The following GPR89B variants were observed in gnomAD, a reference collection of about 807,000 sequenced individuals.
GPR89B encodes G protein-coupled receptor 89B.
In GPR89B, 25 loss-of-function variants were observed where a neutral mutation model predicts 52.4. That is an observed-to-expected ratio of 0.48 (90% CI 0.35 to 0.67). The LOEUF (loss-of-function observed/expected upper bound fraction) is 0.67, where lower values mean the gene tolerates loss of function less well. GPR89B is among the 30% of genes least tolerant of loss of function. GPR89B has a pLI of 0.01. For missense variants in GPR89B, 146 were observed against 450.2 expected, an observed-to-expected ratio of 0.32 and a Z score of 6.11; for synonymous variants, 52 against 151.2, an observed-to-expected ratio of 0.34 and a Z score of 4.81.
At chr1:148,012,606 A>T in the GPR89B span, among the ~76,000 whole-genome samples, 2 of 151,656 alleles carry the variant, frequency 1.3e-5, no homozygotes, top group Admixed American at 6.6e-5. Flanking sequence ...ACTGACATAT[A>T]GTTACACTCT....
chr1:147,951,644 C>T (rs1553251086), intron 5 of GPR89B, among the ~76,000 whole-genome samples: 2 of 151,834 alleles, frequency 1.3e-5, no homozygotes, highest in Non-Finnish European at 2.9e-5. Flanking sequence ...GAACAAGACT[C>T]TGAAAGAGGT....
chr1:148,009,421 G>T, the GPR89B span: 1 of 1,610,760 alleles, frequency 6.2e-7, no homozygotes, highest in African/African-American at 1.3e-5. Flanking sequence ...GTCCAAGTTT[G>T]CACACCTCCA....
chr1:148,007,081 T>C, the GPR89B span, among the ~76,000 whole-genome samples: 3 of 150,586 alleles, frequency 2.0e-5, no homozygotes, highest in African/African-American at 7.3e-5. Context: ...TTTTGGCTTT[T>C]TTTTTTTTTT....
chr1:147,982,932 A>AACTCCCGGAG (rs1658382341), intron 10 of GPR89B, among the ~76,000 whole-genome samples: 9 of 152,054 alleles, frequency 5.9e-5, no homozygotes, highest in Non-Finnish European at 1.3e-4. Context: ...TTCACTCATG[A>AACTCCCGGAG]TTTGTCTCTC....
the GPR89B span, among the ~76,000 whole-genome samples, chr1:148,015,327 CTCTCTCTCGACGGAG>C: frequency 7.1e-6 from 1 of 141,248 alleles, no homozygotes; most frequent in African/African-American, 2.8e-5. Flanking sequence ...CTCTCTCTCT[CTCTCTCTCGACGGAG>C]TCTCTCTCTG....
In GPR89B at chr1:147,944,110, T is replaced by A. The variant is rs1553249410; in HGVS notation, c.415+12T>A. The A allele has an allele frequency of 3.8e-6, 6 of 1,589,230 alleles. No individual in the cohort carries two copies. Among genetic ancestry groups the A allele is most frequent in the Non-Finnish European group, 5.1e-6 (6 of 1,174,166 alleles). ...CAGCCCAAAACATGGTGAGTATATATAGGAGGGCAGAGGAAGTGGGGGGAG... is the reference window on the plus strand; with the variant it reads ...CAGCCCAAAACATGGTGAGTATATAAAGGAGGGCAGAGGAAGTGGGGGGAG... On this transcript the variant is annotated intron_variant, in intron 5 of 13. Coordinates refer to ENST00000314163, the MANE Select transcript of GPR89B (RefSeq NM_016334.5).
the GPR89B span, among the ~76,000 whole-genome samples, chr1:148,009,914 A>G: frequency 1.3e-5 from 2 of 152,122 alleles, no homozygotes; most frequent in African/African-American, 4.8e-5. Context: ...GGGAGGAAAG[A>G]AAGGGGAAGG....
At chr1:148,021,528 A>G in the GPR89B span, among the ~76,000 whole-genome samples, 1 of 151,434 alleles carries the variant, frequency 6.6e-6, no homozygotes, top group Admixed American at 6.6e-5. Flanking sequence ...GGTGGGGCGG[A>G]CACAAGCAGT....
chr1:147,969,078 A>G (rs1344132175), intron 9 of GPR89B, 115 bp downstream of exon 9: 5 of 747,284 alleles, frequency 6.7e-6, no homozygotes, highest in Non-Finnish European at 1.1e-5. Context: ...CACAGCTTCT[A>G]TATCAGCCAT....
the GPR89B span, among the ~76,000 whole-genome samples, chr1:148,006,777 C>T: frequency 1.3e-5 from 2 of 151,648 alleles, no homozygotes; most frequent in Non-Finnish European, 2.9e-5. Flanking sequence ...AACGCAGGGC[C>T]GCAATCTTGG....
At chr1:147,931,876 G>C (rs77242313) in intron 1 of GPR89B, among the ~76,000 whole-genome samples, 6,770 of 152,052 alleles carry the variant, frequency 0.045, 206 homozygotes, top group African/African-American at 0.075. Flanking sequence ...TTAGGATGAT[G>C]GCCTCTAGCT....
chr1:147,997,129 T>C (rs1361669015), downstream of GPR89B, among the ~76,000 whole-genome samples: 1 of 152,224 alleles, frequency 6.6e-6, no homozygotes, highest in African/African-American at 2.4e-5. Context: ...GACTAGCCGG[T>C]ACCTCATGCA....
At chr1:147,935,172 G>T (rs1553247656) in intron 1 of GPR89B, among the ~76,000 whole-genome samples, 2 of 152,292 alleles carry the variant, frequency 1.3e-5, no homozygotes, top group Non-Finnish European at 1.5e-5. Flanking sequence ...CTTCCAGGGG[G>T]AGTAAATGGC....
At chr1:147,961,660 A>G (rs1656577691) in intron 7 of GPR89B, among the ~76,000 whole-genome samples, 1 of 152,160 alleles carries the variant, frequency 6.6e-6, no homozygotes, top group African/African-American at 2.4e-5. Flanking sequence ...ATTTTTTTAA[A>G]TCAATTGTCT....
intron 10 of GPR89B, among the ~76,000 whole-genome samples, chr1:147,970,405 G>A (rs1657327556): frequency 6.6e-6 from 1 of 152,066 alleles, no homozygotes; most frequent in African/African-American, 2.4e-5. Flanking sequence ...GCTGAGGCAG[G>A]AGAATCGCTT....
chr1:147,973,131 G>T (rs1657595992), intron 10 of GPR89B, among the ~76,000 whole-genome samples: 1 of 151,906 alleles, frequency 6.6e-6, no homozygotes, highest in Admixed American at 6.6e-5. Flanking sequence ...ACATGTGTAT[G>T]TATCTTTATA....
intron 10 of GPR89B, among the ~76,000 whole-genome samples, chr1:147,971,037 T>G (rs1201316963): frequency 6.6e-5 from 10 of 151,524 alleles, no homozygotes; most frequent in Non-Finnish European, 1.0e-4. Context: ...TCAATAATAC[T>G]CAGATGACAT....
In GPR89B at chr1:147,928,545, C is replaced by T. The variant is rs148025570; in HGVS notation, c.9C>T (p.Phe3=). 40 of 1,613,782 alleles carry T rather than the reference C, an allele frequency of 2.5e-5. No individual in the cohort carries two copies. The highest frequency in any genetic ancestry group is 3.3e-5 in the Non-Finnish European group (39 of 1,179,808). ...CTTCCTTACACTTCGCCATGAGTTT[C>T]CTGATCGACTCCAGCATCATGATTA... MS[F]LIDSSIMITS... is the part of the protein sequence containing the mutation. The change falls in exon 1 of 14, where the codon TTC becomes TTT. Residue 3 remains phenylalanine (F), a synonymous_variant. Coordinates refer to ENST00000314163, the MANE Select transcript of GPR89B (RefSeq NM_016334.5).
At chr1:147,939,338 C>T (rs1450294417) in intron 3 of GPR89B, among the ~76,000 whole-genome samples, 1 of 151,992 alleles carries the variant, frequency 6.6e-6, no homozygotes. Flanking sequence ...ACTCTTTACT[C>T]CCCTCCAAAT....
Sources: allele counts gnomAD v4.1 joint callset (sites outside exome capture counted in the v4.1 genomes callset), GRCh38; gene constraint gnomAD v4.1.1; transcripts MANE v1.5; gene names NCBI Gene and HGNC (gene_info 2026-07-23, HGNC 2026-07-21).